Variants in TBC1D22A observed in about 807,000 individuals in gnomAD.
TBC1D22A encodes TBC1 domain family member 22A.
In TBC1D22A, 38 loss-of-function variants were observed where a neutral mutation model predicts 60.2. That is an observed-to-expected ratio of 0.63 (90% CI 0.49 to 0.83). TBC1D22A has a LOEUF of 0.83. Ranked by LOEUF, TBC1D22A falls within the 40% of genes least tolerant of loss-of-function variation. The probability of loss-of-function intolerance (pLI) is 0.00; values close to 1 mark genes in which losing one functional copy is unlikely to be tolerated. For missense variants in TBC1D22A, 628 were observed against 701.0 expected, an observed-to-expected ratio of 0.90 and a Z score of 1.18; for synonymous variants, 302 against 281.7, an observed-to-expected ratio of 1.07 and a Z score of -0.72.
intron 1 of TBC1D22A, among the ~76,000 whole-genome samples, chr22:46,787,900 C>A (rs2084230058): frequency 6.7e-6 from 1 of 150,194 alleles, no homozygotes; most frequent in Non-Finnish European, 1.5e-5. Flanking sequence ...CTGGCTGCAG[C>A]CTGCCAGGGG....
At chr22:47,005,338 C>T (rs1011506662) in intron 10 of TBC1D22A, among the ~76,000 whole-genome samples, 2 of 151,422 alleles carry the variant, frequency 1.3e-5, no homozygotes, top group African/African-American at 4.9e-5. Context: ...TATACACCTA[C>T]ACCCCTCATA....
At chr22:47,024,056 G>C (rs746501804) in intron 10 of TBC1D22A, among the ~76,000 whole-genome samples, 1 of 152,222 alleles carries the variant, frequency 6.6e-6, no homozygotes, top group Non-Finnish European at 1.5e-5. Flanking sequence ...AAGATGACAG[G>C]AGCGTAGGCG....
intron 1 of TBC1D22A, among the ~76,000 whole-genome samples, chr22:46,770,132 C>T (rs1229563689): frequency 1.3e-5 from 2 of 152,198 alleles, no homozygotes; most frequent in African/African-American, 2.4e-5. Flanking sequence ...AGCTTTTGGA[C>T]GTGGTCAGAG....
chr22:46,965,600 C>G (rs1382884282), intron 8 of TBC1D22A, among the ~76,000 whole-genome samples: 1 of 152,222 alleles, frequency 6.6e-6, no homozygotes, highest in African/African-American at 2.4e-5. Flanking sequence ...TTACTTGTGT[C>G]AGTGGGGGAA....
chr22:47,018,660 C>T (rs1453729189), intron 10 of TBC1D22A, among the ~76,000 whole-genome samples: 1 of 152,154 alleles, frequency 6.6e-6, no homozygotes, highest in African/African-American at 2.4e-5. Flanking sequence ...CAGGCTTAGG[C>T]TCTAAAGATG....
At chr22:47,003,898 C>T (rs374113483) in intron 10 of TBC1D22A, among the ~76,000 whole-genome samples, 5 of 146,254 alleles carry the variant, frequency 3.4e-5, no homozygotes, top group African/African-American at 5.1e-5. Context: ...ACCCTACACA[C>T]GCATGCCTGT....
chr22:46,897,644 T>TTTTG (rs2068753234), intron 7 of TBC1D22A, among the ~76,000 whole-genome samples: 5 of 119,136 alleles, frequency 4.2e-5, no homozygotes, highest in African/African-American at 1.6e-4. Flanking sequence ...CGTTTTGTTT[T>TTTTG]TTTTTGTGTT....
intron 10 of TBC1D22A, among the ~76,000 whole-genome samples, chr22:47,022,144 T>C (rs116181099): frequency 6.6e-6 from 1 of 152,336 alleles, no homozygotes; most frequent in African/African-American, 2.4e-5. Flanking sequence ...CCGGTCAACA[T>C]TGATGTTAAT....
intron 4 of TBC1D22A, among the ~76,000 whole-genome samples, chr22:46,853,257 A>G (rs553692246): frequency 6.6e-6 from 1 of 151,820 alleles, no homozygotes; most frequent in East Asian, 1.9e-4. Context: ...CATATTTCTC[A>G]CCTGCTGTGG....
chr22:46,847,004 G>A (rs773035521), intron 4 of TBC1D22A, among the ~76,000 whole-genome samples: 1 of 152,156 alleles, frequency 6.6e-6, no homozygotes, highest in Non-Finnish European at 1.5e-5. Flanking sequence ...GGAATCTCGC[G>A]TGGGGTTCAG....
At chr22:46,877,169 C>A (rs567570943) in intron 4 of TBC1D22A, among the ~76,000 whole-genome samples, 34 of 152,212 alleles carry the variant, frequency 2.2e-4, no homozygotes, top group Admixed American at 3.9e-4. Context: ...AGTCACTTAA[C>A]CTCTCTGAGG....
intron 12 of TBC1D22A, among the ~76,000 whole-genome samples, chr22:47,139,441 G>C (rs1044038427): frequency 6.6e-5 from 10 of 152,222 alleles, no homozygotes; most frequent in Non-Finnish European, 1.3e-4. Context: ...GGGTAGGCCC[G>C]GGGTCTGCAT....
intron 12 of TBC1D22A, among the ~76,000 whole-genome samples, chr22:47,154,818 T>A (rs1490085864): frequency 6.6e-6 from 1 of 152,210 alleles, no homozygotes; most frequent in Non-Finnish European, 1.5e-5. Flanking sequence ...ATTTCTGCTT[T>A]AGGAGCAGAA....
At chr22:47,008,122 AG>A (rs2061645979) in intron 10 of TBC1D22A, among the ~76,000 whole-genome samples, 1 of 152,216 alleles carries the variant, frequency 6.6e-6, no homozygotes, top group African/African-American at 2.4e-5. Context: ...TTTATAATCA[AG>A]GGCACCAAAA....
At chr22:47,024,044 T>C (rs149880823) in intron 10 of TBC1D22A, among the ~76,000 whole-genome samples, 2 of 152,324 alleles carry the variant, frequency 1.3e-5, no homozygotes, top group African/African-American at 2.4e-5. Flanking sequence ...CGCGGTGCGA[T>C]GAAGATGACA....
At chr22:46,941,208 T>TACACACACACACACACACACAC (rs71315174) in intron 8 of TBC1D22A, among the ~76,000 whole-genome samples, 25 of 84,848 alleles carry the variant, frequency 2.9e-4, no homozygotes, top group Non-Finnish European at 3.6e-4. Flanking sequence ...TATATATGTA[T>TACACACACACACACACACACAC]ACACACACAC....
At chr22:47,138,245 C>G (rs547304368) in intron 12 of TBC1D22A, among the ~76,000 whole-genome samples, 1 of 152,374 alleles carries the variant, frequency 6.6e-6, no homozygotes, top group South Asian at 2.1e-4. Flanking sequence ...GCCCCAGCCT[C>G]TTTGCAGTGT....
intron 12 of TBC1D22A, among the ~76,000 whole-genome samples, chr22:47,119,539 C>A (rs901731265): frequency 4.0e-5 from 6 of 151,890 alleles, no homozygotes; most frequent in African/African-American, 1.5e-4. Flanking sequence ...CACTGTCACC[C>A]GGGCTGGTGT....
At position 47,086,627 on chromosome 22, in the gene TBC1D22A, G is replaced by A. The variant is rs549941183; in HGVS notation, c.1330-24881G>A. On this transcript the variant is annotated intron_variant, in intron 11 of 12. Coordinates refer to ENST00000337137, the MANE Select transcript of TBC1D22A (RefSeq NM_014346.5). ...CCCCCTATATACTAACAGTGTATAC[G>A]CGATAGTATTTTATCATAGGTAATA... Among the ~76,000 whole-genome samples the A allele has an allele frequency of 9.9e-5, 15 of 152,264 alleles. No individual in the cohort carries two copies. The South Asian group carries it at 1.2e-3, about 13-fold the overall frequency.
Sources: gnomAD v4.1 joint callset for allele counts (sites outside exome capture counted in the v4.1 genomes callset) on GRCh38, gnomAD v4.1.1 for gene constraint, MANE v1.5 for transcripts, NCBI Gene and HGNC (gene_info 2026-07-23, HGNC 2026-07-21) for gene names.